The following MEIOSIN variants were observed in gnomAD, a reference collection of about 807,000 sequenced individuals.
MEIOSIN encodes meiosis initiator, also known as meiosis initiator protein.
In MEIOSIN, 18 loss-of-function variants were observed where a neutral mutation model predicts 23.4. The observed-to-expected ratio is 0.77, with a 90% CI of 0.53 to 1.14. MEIOSIN has a LOEUF of 1.14. Ranked by LOEUF, MEIOSIN falls within the 50% of genes most tolerant of loss-of-function variation. The pLI is 0.00. For synonymous variants in MEIOSIN, 187 were observed against 100.6 expected (o/e 1.86, Z -5.14); for missense variants, 428 against 242.9 (o/e 1.76, Z -5.07).
rs1204103162 is a variant in MEIOSIN, at chr19:45,753,747, C to T, written c.515C>T (p.Ala172Val). ...PSSQKSCLQG[A>V]CQKPRKKKLT... The stretch of plus-strand genomic sequence containing the variant: ...TCTCAGAAGTCCTGTCTCCAGGGGG[C>T]GTGCCAGAAGCCTCGGAAGAAGAAG... The change falls in exon 6 of 15, where the codon GCG (alanine) becomes GTG (valine). Residue 172 changes from alanine (A) to valine (V), a missense_variant. Coordinates refer to ENST00000457052, the MANE Select transcript of MEIOSIN (RefSeq NM_001310124.2). The T allele has an allele frequency of 4.3e-6, 3 of 702,830 alleles. No individual in the cohort carries two copies. Among genetic ancestry groups the T allele is most frequent in the Non-Finnish European group, 5.2e-6 (2 of 384,914 alleles). 43.5% of individuals were successfully genotyped at this position (702,830 alleles called of 1,614,324 possible).
rs957110918 is a variant in MEIOSIN at position 45,745,305 on chromosome 19, C to G, written c.290C>G (p.Thr97Ser). The G allele has an allele frequency of 3.4e-5, 24 of 702,718 alleles. No homozygotes were observed. The highest frequency in any genetic ancestry group is 8.0e-5 in the Admixed American group (4 of 49,952). The allele number at this position is 702,718 out of a possible 1,614,324, so 43.5% of individuals were successfully genotyped here. A position where few individuals can be genotyped will look rare whatever the true frequency, so the allele number is the denominator to read the frequency against. The stretch of plus-strand genomic sequence containing the variant: ...CTGCCCATAGCCCTGAAGACGGGGA[C>G]CAAGAAGCTCACAAAGGTACAGGGA... ...LLLPIALKTG[T>S]KKLTKKEILV... is the part of the protein sequence containing the mutation. The change falls in exon 4 of 15, where the codon ACC (threonine) becomes AGC (serine). Residue 97 changes from threonine to serine, a missense_variant. Thr to Ser is a moderately conservative substitution (Grantham distance 58, BLOSUM62 1). Coordinates refer to ENST00000457052, the MANE Select transcript of MEIOSIN (RefSeq NM_001310124.2).
chr19:45,763,068 G>T (rs116815996), intron 13 of MEIOSIN, among the ~76,000 whole-genome samples: 2,782 of 151,968 alleles, frequency 0.018, 74 homozygotes, highest in African/African-American at 0.063. Context: ...GGATGGGGAG[G>T]CCCCCCCCAA....
intron 3 of MEIOSIN, among the ~76,000 whole-genome samples, chr19:45,742,805 C>CAAACA (rs1968529519): frequency 2.6e-5 from 4 of 151,828 alleles, no homozygotes; most frequent in Admixed American, 1.3e-4. Flanking sequence ...TCAAAACAAA[C>CAAACA]AAACAAAACA....
intron 2 of MEIOSIN, among the ~76,000 whole-genome samples, chr19:45,736,874 T>TTC (rs1246215616): frequency 6.6e-6 from 1 of 150,952 alleles, no homozygotes; most frequent in Non-Finnish European, 1.5e-5. Context: ...CCCAGCCTTT[T>TTC]TTTTTTTTTT....
chr19:45,756,095 G>A lies in MEIOSIN; in HGVS notation c.911+17G>A, dbSNP rs932216621. 1 of 702,450 alleles carries A rather than the reference G, an allele frequency of 1.4e-6. No homozygotes were observed. The highest frequency in any genetic ancestry group is 1.7e-5 in the African/African-American group (1 of 57,364). 43.5% of individuals were successfully genotyped at this position (702,450 alleles called of 1,614,324 possible). A position where few individuals can be genotyped will look rare whatever the true frequency, so the allele number is the denominator to read the frequency against. ...CCATCCCAGGTAAGGGCGTCCCCAG[G>A]GCACTGAGTGAGTGGTGCTGAGGGG... is the stretch of plus-strand genomic sequence containing the variant. On this transcript the variant is annotated intron_variant, in intron 8 of 14. Transcript: ENST00000457052.
chr19:45,743,236 T>C (rs968825394), intron 3 of MEIOSIN, among the ~76,000 whole-genome samples: 2 of 152,192 alleles, frequency 1.3e-5, no homozygotes, highest in Non-Finnish European at 2.9e-5. Flanking sequence ...CCAGGGACTA[T>C]GGTTTATATG....
intron 3 of MEIOSIN, 50 bp from the exon 4 acceptor site, chr19:45,745,142 G>A (rs1371955984): frequency 2.8e-6 from 2 of 701,908 alleles, no homozygotes; most frequent in African/African-American, 3.5e-5. Context: ...GGTTGGATGT[G>A]GAATTCGTTT....
At chr19:45,745,677 G>C (rs1187642231) in intron 4 of MEIOSIN, among the ~76,000 whole-genome samples, 1 of 151,934 alleles carries the variant, frequency 6.6e-6, no homozygotes, top group Admixed American at 6.6e-5. Flanking sequence ...GTTCTTTTTT[G>C]TTTTTGAGAG....
chr19:45,763,482 C>G, intron 14 of MEIOSIN, 55 bp downstream of exon 14: 1 of 398,464 alleles, frequency 2.5e-6, no homozygotes. Context: ...CTCCCTACCC[C>G]GGAACCCTGC....
At chr19:45,760,926 A>C (rs1968925539) in intron 11 of MEIOSIN, among the ~76,000 whole-genome samples, 1 of 137,074 alleles carries the variant, frequency 7.3e-6, no homozygotes, top group Non-Finnish European at 1.6e-5. Context: ...CTCCGTCTCA[A>C]AAAAAAAAAA....
chr19:45,764,130 C>T lies in MEIOSIN; in HGVS notation c.*12C>T, dbSNP rs573490890. Reference sequence around the variant, plus strand: ...CGCACCTCCAGTGAGAGGGCGGCCCCTCGCCTCGCTCCCCTCACCCCTCAT... The same window carrying T: ...CGCACCTCCAGTGAGAGGGCGGCCCTTCGCCTCGCTCCCCTCACCCCTCAT... On this transcript the variant is annotated 3_prime_UTR_variant, in exon 15 of 15. Coordinates refer to ENST00000457052, the MANE Select transcript of MEIOSIN (RefSeq NM_001310124.2). 11 of 398,648 alleles carry T rather than the reference C, an allele frequency of 2.8e-5. No homozygotes were observed. In the South Asian group the frequency reaches 1.4e-3, roughly 51 times the overall value. The allele number at this position is 398,648 out of a possible 1,614,324, so 24.7% of individuals were successfully genotyped here.
chr19:45,733,534 C>T lies in MEIOSIN; in HGVS notation c.-133C>T, dbSNP rs1968357958. The stretch of plus-strand genomic sequence containing the variant: ...CGGTTGGGAACGTGGTGTCCGAGAC[C>T]GTCTGGGATCCCCGCGCGCACGGCC... On this transcript the variant is annotated 5_prime_UTR_variant, in exon 1 of 15. Transcript: ENST00000457052. This position sits in a 1 kb window ranked among gnomAD's most constrained non-coding sequence, Gnocchi z 5.7. 6.6e-6 allele frequency: 1 copy of T among 152,304 alleles called. No individual in the cohort carries two copies. 9.4% of individuals were successfully genotyped at this position (152,304 alleles called of 1,614,324 possible).
At chr19:45,749,813 G>C (rs1164115758) in intron 4 of MEIOSIN, among the ~76,000 whole-genome samples, 4 of 150,592 alleles carry the variant, frequency 2.7e-5, no homozygotes, top group Non-Finnish European at 4.4e-5. Context: ...GACCAGCCTA[G>C]CCAGCATGGT....
intron 1 of MEIOSIN, 21 bp from the exon 2 acceptor site, chr19:45,735,356 A>G (rs1646239790): frequency 1.4e-6 from 1 of 702,158 alleles, no homozygotes; most frequent in African/African-American, 1.7e-5. Flanking sequence ...GTCACTAATC[A>G]TTCTTTTTCC....
intron 14 of MEIOSIN, 30 bp downstream of exon 14, chr19:45,763,457 G>A: frequency 2.5e-6 from 1 of 398,560 alleles, no homozygotes; most frequent in African/African-American, 2.1e-5. Flanking sequence ...AGGTGTGGGT[G>A]GGGGGTGGAA....
chr19:45,745,383 G>T, intron 4 of MEIOSIN, 62 bp downstream of exon 4: 2 of 676,860 alleles, frequency 3.0e-6, no homozygotes, highest in Non-Finnish European at 5.4e-6. Flanking sequence ...GCAGCAAATG[G>T]GTCACCCTCT....
chr19:45,752,919 CTTTTTT>C (rs11387482), intron 5 of MEIOSIN, among the ~76,000 whole-genome samples: 2,280 of 119,122 alleles, frequency 0.019, 69 homozygotes, highest in African/African-American at 0.069. Context: ...GTTTCTTCTT[CTTTTTT>C]TTTTTTTTTT....
intron 4 of MEIOSIN, among the ~76,000 whole-genome samples, chr19:45,748,966 G>C (rs1247195132): frequency 2.0e-5 from 3 of 152,084 alleles, no homozygotes; most frequent in African/African-American, 7.2e-5. Context: ...CTACTCAGGA[G>C]GTTGAGGTGG....
intron 9 of MEIOSIN, among the ~76,000 whole-genome samples, chr19:45,757,755 C>T (rs963014181): frequency 2.8e-4 from 42 of 151,914 alleles, no homozygotes; most frequent in East Asian, 3.9e-4. Flanking sequence ...TCCTGACCTA[C>T]GGTGATCTGC....
Sources: gnomAD v4.1 joint callset for allele counts (sites outside exome capture counted in the v4.1 genomes callset) on GRCh38, gnomAD v4.1.1 for gene constraint, Gnocchi (gnomAD v3.1) non-coding constraint, MANE v1.5 for transcripts, NCBI Gene and HGNC (gene_info 2026-07-23, HGNC 2026-07-21) for gene names.